DACH2: variants seen among roughly 807,000 people sequenced by gnomAD.
DACH2 encodes the protein dachshund homolog 2.
In DACH2, 17 loss-of-function variants were observed where a neutral mutation model predicts 35.8. That is an observed-to-expected ratio of 0.48 (90% CI 0.33 to 0.71). The LOEUF is 0.71. DACH2 is among the 30% of genes least tolerant of loss of function. The pLI is 0.02. For missense variants in DACH2, 469 were observed against 472.7 expected (o/e 0.99, Z 0.07); for synonymous variants, 195 against 177.3 (o/e 1.10, Z -0.79).
intron 3 of DACH2, among the ~76,000 whole-genome samples, chrX:86,533,340 C>T (rs961615503): frequency 6.2e-5 from 7 of 112,168 alleles, no homozygotes; most frequent in Non-Finnish European, 1.1e-4. Context: ...CTCTTCTATG[C>T]CCTTTCATTG....
intron 3 of DACH2, among the ~76,000 whole-genome samples, chrX:86,571,893 C>A (rs750892610): frequency 8.3e-4 from 92 of 111,192 alleles, no homozygotes; most frequent in African/African-American, 2.9e-3. Context: ...ACATATATAG[C>A]TCTCCCTTTA....
chrX:86,394,173 G>T (rs1003945714), intron 2 of DACH2, among the ~76,000 whole-genome samples: 4 of 109,449 alleles, frequency 3.7e-5, no homozygotes, highest in African/African-American at 1.3e-4. Context: ...GATTGCATAC[G>T]TGTTTACGTT....
rs938449680 is a variant in DACH2, at chrX:86,160,491, C to A, written c.488+11383C>A. ...TTACCAGAACGGTGATCAATCTTTT[C>A]CTTCAGTACAGCAAACTTGCATGCA... On this transcript the variant is annotated intron_variant, in intron 1 of 11. Coordinates refer to ENST00000373125, the MANE Select transcript of DACH2 (RefSeq NM_053281.3). The A allele has an allele frequency of 3.0e-4, 161 of 532,923 alleles. 1 individual carries two copies. The Admixed American group carries it at 3.7e-3, about 12-fold the overall frequency. The allele number at this position is 532,923 out of a possible 1,213,427, so 43.9% of individuals were successfully genotyped here. A position where few individuals can be genotyped will look rare whatever the true frequency, so the allele number is the denominator to read the frequency against.
chrX:86,617,473 C>G (rs376982734), intron 3 of DACH2, among the ~76,000 whole-genome samples: 1 of 111,221 alleles, frequency 9.0e-6, no homozygotes, highest in East Asian at 2.9e-4. Context: ...TTGTAATTCT[C>G]ATCGTTGAAC....
chrX:86,280,438 G>A (rs1163912058), intron 1 of DACH2, among the ~76,000 whole-genome samples: 1 of 111,740 alleles, frequency 8.9e-6, no homozygotes, highest in Non-Finnish European at 1.9e-5. Context: ...TGCTTTACAA[G>A]AGCTCCTGAA....
At chrX:86,622,049 G>GAAA (rs1169478657) in intron 3 of DACH2, among the ~76,000 whole-genome samples, 1 of 110,896 alleles carries the variant, frequency 9.0e-6, no homozygotes, top group Non-Finnish European at 1.9e-5. Flanking sequence ...ATTTATGAAT[G>GAAA]AAAAAAACTT....
At chrX:86,477,301 T>C (rs2037858513) in intron 2 of DACH2, among the ~76,000 whole-genome samples, 1 of 101,643 alleles carries the variant, frequency 9.8e-6, no homozygotes, top group African/African-American at 3.5e-5. Context: ...GCTCTAATAA[T>C]ATTCCCTTTA....
chrX:86,427,674 T>A (rs905866166), intron 2 of DACH2, among the ~76,000 whole-genome samples: 11 of 111,531 alleles, frequency 9.9e-5, no homozygotes, highest in African/African-American at 3.6e-4. Context: ...AACCAAAGTT[T>A]TCATGAAATA....
intron 2 of DACH2, among the ~76,000 whole-genome samples, chrX:86,474,586 A>G (rs2037812281): frequency 8.9e-6 from 1 of 111,983 alleles, no homozygotes. Flanking sequence ...ATGGATATCC[A>G]GTTTTTCCAG....
At chrX:86,332,264 C>T (rs2035227063) in intron 1 of DACH2, among the ~76,000 whole-genome samples, 1 of 111,223 alleles carries the variant, frequency 9.0e-6, no homozygotes, top group African/African-American at 3.3e-5. Context: ...TTTTAAAATG[C>T]CTTGATTCTT....
At chrX:86,450,986 T>C (rs186034497) in intron 2 of DACH2, among the ~76,000 whole-genome samples, 103 of 111,799 alleles carry the variant, frequency 9.2e-4, no homozygotes, top group African/African-American at 3.2e-3. Context: ...GTCAAGTGGA[T>C]AGATTGCAAA....
At chrX:86,219,840 T>C (rs965236975) in intron 1 of DACH2, among the ~76,000 whole-genome samples, 2 of 109,284 alleles carry the variant, frequency 1.8e-5, no homozygotes, top group Admixed American at 9.9e-5. Context: ...ATCAAGGTAA[T>C]ACATTTATCC....
In DACH2 at chrX:86,546,336, T is replaced by C. The variant is rs186691278; in HGVS notation, c.640+31945T>C. 3.0e-3 allele frequency among the ~76,000 whole-genome samples: 238 copies of C among 80,506 alleles called. 7 individuals are homozygous for C. Among genetic ancestry groups the C allele is most frequent in the African/African-American group, 0.014 (225 of 16,283 alleles). The allele number at this position is 80,506 out of a possible 115,157, so 69.9% of individuals were successfully genotyped here. ...TCCTACCTCTTTCTTCTTCTTCTTC[T>C]TCCTCTTCTTCTTCTTCTTCCTCTT... On this transcript the variant is annotated intron_variant, in intron 3 of 11. Coordinates refer to ENST00000373125, the MANE Select transcript of DACH2 (RefSeq NM_053281.3).
chrX:86,325,698 A>T (rs2035101380), intron 1 of DACH2, among the ~76,000 whole-genome samples: 1 of 112,247 alleles, frequency 8.9e-6, no homozygotes, highest in African/African-American at 3.2e-5. Flanking sequence ...TGGAAGTAAA[A>T]ATTTTCACTC....
intron 1 of DACH2, among the ~76,000 whole-genome samples, chrX:86,303,742 A>C (rs1175273701): frequency 9.0e-6 from 1 of 110,645 alleles, no homozygotes; most frequent in African/African-American, 3.3e-5. Flanking sequence ...ATATATATAT[A>C]TCTTTCTGTA....
chrX:86,364,343 A>G (rs983257116), intron 1 of DACH2, among the ~76,000 whole-genome samples: 1 of 99,226 alleles, frequency 1.0e-5, no homozygotes, highest in Non-Finnish European at 2.0e-5. Context: ...ATTCTTCAAA[A>G]TGTGATCACT....
chrX:86,671,129 G>A (rs1271452642), intron 4 of DACH2, among the ~76,000 whole-genome samples: 1 of 111,974 alleles, frequency 8.9e-6, no homozygotes, highest in Non-Finnish European at 1.9e-5. Context: ...TGCCATATGA[G>A]TATAAAATGG....
chrX:86,371,333 A>G (rs906964788), intron 1 of DACH2, among the ~76,000 whole-genome samples: 20 of 111,007 alleles, frequency 1.8e-4, no homozygotes, highest in African/African-American at 6.5e-4. Flanking sequence ...CTGATTTTTA[A>G]AAGACTCAAG....
intron 3 of DACH2, among the ~76,000 whole-genome samples, chrX:86,556,795 T>TATATATATAGAGAGAG (rs1232719385): frequency 1.2e-4 from 3 of 25,296 alleles, no homozygotes; most frequent in Non-Finnish European, 1.9e-4. Context: ...TATATATATA[T>TATATATATAGAGAGAG]AGAGAGAGAG....
Sources: allele counts gnomAD v4.1 joint callset (sites outside exome capture counted in the v4.1 genomes callset), GRCh38; gene constraint gnomAD v4.1.1; transcripts MANE v1.5; gene names NCBI Gene and HGNC (gene_info 2026-07-23, HGNC 2026-07-21).